DDX21: variants seen among roughly 807,000 people sequenced by gnomAD.
DDX21 encodes the protein DExD-box helicase 21, also known as nucleolar RNA helicase 2.
DDX21 carries 18 observed loss-of-function variants against 90.0 expected under a neutral mutation model. That is an observed-to-expected ratio of 0.20 (90% CI 0.14 to 0.30). DDX21 has a LOEUF of 0.30. DDX21 is among the 10% of genes least tolerant of loss of function. DDX21 has a pLI of 1.00. For synonymous variants in DDX21, 294 were observed against 318.0 expected (o/e 0.92, Z 0.80); for missense variants, 673 against 944.5 (o/e 0.71, Z 3.77).
intron 5 of DDX21, among the ~76,000 whole-genome samples, chr10:68,966,153 G>A (rs569651930): frequency 2.0e-5 from 3 of 151,466 alleles, no homozygotes; most frequent in Admixed American, 1.3e-4. Context: ...AAAATTAGCC[G>A]GGCGTGGTGG....
rs374055695 is a variant in DDX21 at position 68,967,025 on chromosome 10, C to T, written c.912C>T (p.Arg304=). 118 of 1,607,356 alleles carry T rather than the reference C, an allele frequency of 7.3e-5. No individual in the cohort carries two copies. The highest frequency in any genetic ancestry group is 5.0e-4 in the Middle Eastern group (3 of 6,032). ...TGTCATTGTTTTTTATAGTTGAACG[C>T]ATGAGGAATGGGATTGATATCCTGG... ...GGTPYGGQFE[R]MRNGIDILVG... Residue 304 remains arginine, a synonymous_variant, in exon 6 of 15, where the codon CGC becomes CGT. Coordinates refer to ENST00000354185, the MANE Select transcript of DDX21 (RefSeq NM_004728.4).
chr10:68,963,544 C>A (rs528738167), intron 4 of DDX21, 75 bp downstream of exon 4: 2 of 1,382,936 alleles, frequency 1.4e-6, no homozygotes, highest in Non-Finnish European at 1.9e-6. Context: ...ACATACCCTA[C>A]TATTTTTTAT....
chr10:68,962,396 T>C (rs1842885092), intron 3 of DDX21, among the ~76,000 whole-genome samples: 1 of 152,192 alleles, frequency 6.6e-6, no homozygotes, highest in Non-Finnish European at 1.5e-5. Context: ...CTGTAATTGA[T>C]TGAGGCCAGG....
intron 7 of DDX21, among the ~76,000 whole-genome samples, chr10:68,969,570 G>T (rs980509905): frequency 6.6e-6 from 1 of 152,190 alleles, no homozygotes; most frequent in Non-Finnish European, 1.5e-5. Context: ...GAGCCACCAC[G>T]CCCGGCCCGA....
At chr10:68,962,447 C>T (rs947863293) in intron 3 of DDX21, among the ~76,000 whole-genome samples, 1 of 152,070 alleles carries the variant, frequency 6.6e-6, no homozygotes, top group Non-Finnish European at 1.5e-5. Context: ...GAACCTGTCC[C>T]GACAAAAAGT....
At chr10:68,962,197 T>C in intron 3 of DDX21, 40 bp downstream of exon 3, 1 of 1,445,824 alleles carries the variant, frequency 6.9e-7, no homozygotes, top group Non-Finnish European at 9.6e-7. Context: ...TAGAACGTAT[T>C]ATTTTAACAG....
At position 68,983,748 on chromosome 10, in the gene DDX21, CA is replaced by C. The variant is rs2132100339; in HGVS notation, c.*941del. The C allele has an allele frequency of 7.2e-6, 1 of 138,400 alleles. No individual in the cohort carries two copies. Among genetic ancestry groups the C allele is most frequent in the African/African-American group, 2.6e-5 (1 of 37,918 alleles). 8.6% of individuals were successfully genotyped at this position (138,400 alleles called of 1,614,324 possible). Reference sequence around the variant, plus strand: ...CCAAACCACTGGAAATAATCAAATGCAAAAAGGTAACAAATTCATAACTGGA... The same window carrying C: ...CCAAACCACTGGAAATAATCAAATGCAAAAGGTAACAAATTCATAACTGGA... On this transcript the variant is annotated 3_prime_UTR_variant, in exon 15 of 15. Transcript: ENST00000354185.
chr10:68,973,678 T>TA lies in DDX21; in HGVS notation c.1668+15dup. 1 of 1,607,170 alleles carries TA rather than the reference T, an allele frequency of 6.2e-7. No homozygotes were observed. Reference sequence around the variant, plus strand: ...GAGCAAAAAGCGGTAAAACTATTCTTACCTTTCATTAAGCAAATGTTGAGT... The same window carrying TA: ...GAGCAAAAAGCGGTAAAACTATTCTTAACCTTTCATTAAGCAAATGTTGAGT... On this transcript the variant is annotated intron_variant, in intron 10 of 14. Coordinates refer to ENST00000354185, the MANE Select transcript of DDX21 (RefSeq NM_004728.4).
chr10:68,979,542 GTCA>G (rs1289974857), intron 13 of DDX21, among the ~76,000 whole-genome samples: 1 of 152,160 alleles, frequency 6.6e-6, no homozygotes, highest in African/African-American at 2.4e-5. Flanking sequence ...TGTTCCATTA[GTCA>G]TCAGAGCAAT....
chr10:68,974,524 T>C (rs1843068604), intron 10 of DDX21, 146 bp from the exon 11 acceptor site: 8 of 633,030 alleles, frequency 1.3e-5, no homozygotes, highest in Non-Finnish European at 1.9e-5. Context: ...ACTGTCTTTG[T>C]AGCTTTTCTG....
At position 68,968,902 on chromosome 10, in the gene DDX21, A is replaced by T. The variant is rs550102855; in HGVS notation, c.1091-74A>T. On this transcript the variant is annotated intron_variant, in intron 6 of 14. Transcript: ENST00000354185. The stretch of plus-strand genomic sequence containing the variant: ...GTGAACATTGATGGACTGTGGAAGT[A>T]TTAGGTTAGGTGGAATACTATGTAG... 3.3e-6 allele frequency: 5 copies of T among 1,524,578 alleles called. No homozygotes were observed. The Admixed American group carries it at 5.9e-5, about 18-fold the overall frequency. The allele number at this position is 1,524,578 out of a possible 1,614,324, so 94.4% of individuals were successfully genotyped here. A position where few individuals can be genotyped will look rare whatever the true frequency, so the allele number is the denominator to read the frequency against.
At chr10:68,961,827 T>TAGTTGAGATCTA (rs1452158713) in intron 2 of DDX21, among the ~76,000 whole-genome samples, 5 of 152,220 alleles carry the variant, frequency 3.3e-5, no homozygotes, top group Admixed American at 3.3e-4. Flanking sequence ...GTTGAGATCT[T>TAGTTGAGATCTA]AGTTGAGATC....
chr10:68,974,657 C>A lies in DDX21; in HGVS notation c.1669-13C>A. 1 of 1,612,478 alleles carries A rather than the reference C, an allele frequency of 6.2e-7. No homozygotes were observed. Among genetic ancestry groups the A allele is most frequent in the South Asian group, 1.1e-5 (1 of 90,946 alleles). On this transcript the variant is annotated splice_polypyrimidine_tract_variant and intron_variant, in intron 10 of 14. Transcript: ENST00000354185. ...GGCCACTGTACATTAAACTGTGGTT[C>A]ATTTTCCTGTAGGGAATTAAGTTCA...
intron 3 of DDX21, among the ~76,000 whole-genome samples, chr10:68,962,947 T>A (rs1301707228): frequency 6.6e-6 from 1 of 152,114 alleles, no homozygotes; most frequent in East Asian, 1.9e-4. Flanking sequence ...TATTTTTCAG[T>A]CAAGCAGATT....
rs1432945304 is a variant in DDX21, at chr10:68,983,654, C to A, written c.*842C>A. The A allele has an allele frequency of 7.7e-6, 1 of 129,850 alleles. No individual in the cohort carries two copies. Among genetic ancestry groups the A allele is most frequent in the Admixed American group, 8.8e-5 (1 of 11,354 alleles). 8.0% of individuals were successfully genotyped at this position (129,850 alleles called of 1,614,324 possible). ...GATTAACATTATTTACCAAGAAGGA[C>A]TTAAGGGAGTAGGGGGCGCAGATTA... On this transcript the variant is annotated 3_prime_UTR_variant, in exon 15 of 15. Transcript: ENST00000354185.
intron 11 of DDX21, 82 bp downstream of exon 11, chr10:68,974,825 T>A: frequency 8.0e-7 from 1 of 1,243,660 alleles, no homozygotes; most frequent in Non-Finnish European, 1.1e-6. Context: ...AGATTTGACT[T>A]AAAAAAATTT....
In DDX21 at chr10:68,977,509, AAC is replaced by A. The variant is rs1183439910; in HGVS notation, c.1743-15_1743-14del. ...GTCCACTTCTAGTATCCTTTCTCCT[AAC>A]ACACTCTCAAACAACAGGCTTTTGG... On this transcript the variant is annotated intron_variant, in intron 11 of 14. Coordinates refer to ENST00000354185, the MANE Select transcript of DDX21 (RefSeq NM_004728.4). 2 of 1,590,126 alleles carry A rather than the reference AAC, an allele frequency of 1.3e-6. No individual in the cohort carries two copies. The highest frequency in any genetic ancestry group is 1.1e-5 in the South Asian group (1 of 88,948).
chr10:68,976,219 T>C (rs1253749989), intron 11 of DDX21, among the ~76,000 whole-genome samples: 4 of 148,684 alleles, frequency 2.7e-5, no homozygotes, highest in African/African-American at 1.0e-4. Flanking sequence ...AGAGTGAGAC[T>C]ATCTCAAAAA....
chr10:68,957,566 G>A (rs1421970913), intron 1 of DDX21, among the ~76,000 whole-genome samples: 2 of 152,194 alleles, frequency 1.3e-5, no homozygotes, highest in African/African-American at 2.4e-5. Flanking sequence ...GTACTCAGGT[G>A]CAAGAAGGTC....
Sources: gnomAD v4.1 joint callset for allele counts (sites outside exome capture counted in the v4.1 genomes callset) on GRCh38, gnomAD v4.1.1 for gene constraint, MANE v1.5 for transcripts, NCBI Gene and HGNC (gene_info 2026-07-23, HGNC 2026-07-21) for gene names.